The following CHD9 variants were observed in gnomAD, a reference collection of about 807,000 sequenced individuals.
CHD9 encodes chromodomain helicase DNA binding protein 9.
CHD9 carries 77 observed loss-of-function variants against 316.1 expected under a neutral mutation model. The observed-to-expected ratio is 0.24, with a 90% CI of 0.20 to 0.29. The LOEUF is 0.29. Among genes scored for constraint, CHD9 ranks in the 10% least tolerant of loss-of-function variants. The pLI, the probability that CHD9 is intolerant of heterozygous loss-of-function variation, is 1.00. For synonymous variants in CHD9, 1,129 were observed against 1,158.3 expected (o/e 0.97, Z 0.51); for missense variants, 2,763 against 3,438.1 (o/e 0.80, Z 4.91).
At chr16:53,066,446 C>T (rs558553880) in intron 1 of CHD9, among the ~76,000 whole-genome samples, 1 of 152,210 alleles carries the variant, frequency 6.6e-6, no homozygotes. Flanking sequence ...CATGGCCTCT[C>T]TTTCTACCCA....
intron 22 of CHD9, among the ~76,000 whole-genome samples, chr16:53,273,319 A>G (rs1567600761): frequency 1.3e-5 from 2 of 152,202 alleles, no homozygotes; most frequent in Non-Finnish European, 2.9e-5. Flanking sequence ...AAGCAAAAGT[A>G]AAGCAGAGGG....
Position 53,249,931 on chromosome 16 carries a change from T to C in CHD9, c.3726T>C (p.Asp1242=), listed in dbSNP as rs1457565485. The change falls in exon 17 of 39, where the codon GAT becomes GAC. Residue 1242 remains aspartate, a synonymous_variant. Transcript: ENST00000447540. The part of the protein sequence containing the change: ...VRGNLRQAAI[D]RFSKPDSDRF... The stretch of plus-strand genomic sequence containing the variant: ...GAAATCTTCGGCAAGCTGCTATAGA[T>C]AGATTTAGTAAACCTGATTCAGATA... 1.2e-6 allele frequency: 2 copies of C among 1,613,760 alleles called. No individual in the cohort carries two copies. The highest frequency in any genetic ancestry group is 8.5e-7 in the Non-Finnish European group (1 of 1,179,806).
rs534390527 is a variant in CHD9 at position 53,326,519 on chromosome 16, A to G, written c.*1624A>G. 2.0e-5 allele frequency: 3 copies of G among 152,572 alleles called. No individual in the cohort carries two copies. Among genetic ancestry groups the G allele is most frequent in the South Asian group, 4.1e-4 (2 of 4,824 alleles). The allele number at this position is 152,572 out of a possible 1,614,324, so 9.5% of individuals were successfully genotyped here. A position where few individuals can be genotyped will look rare whatever the true frequency, so the allele number is the denominator to read the frequency against. Reference sequence around the variant, plus strand: ...AACCCCTTATTAGAGAGACAGTGTTATATGTATTTACAAAATTATATAAGT... The same window carrying G: ...AACCCCTTATTAGAGAGACAGTGTTGTATGTATTTACAAAATTATATAAGT... On this transcript the variant is annotated 3_prime_UTR_variant, in exon 39 of 39. Coordinates refer to ENST00000447540, the MANE Select transcript of CHD9 (RefSeq NM_001308319.2).
chr16:53,144,791 T>C (rs2040429582), intron 1 of CHD9, among the ~76,000 whole-genome samples: 1 of 152,072 alleles, frequency 6.6e-6, no homozygotes, highest in South Asian at 2.1e-4. Flanking sequence ...CCCAAAGTGC[T>C]GGGATTACAG....
chr16:53,086,914 A>G (rs529020170), intron 1 of CHD9, among the ~76,000 whole-genome samples: 283 of 152,180 alleles, frequency 1.9e-3, no homozygotes, highest in Non-Finnish European at 3.3e-3. Flanking sequence ...TTGCTCCCTC[A>G]ACCAATGGAA....
rs2152746646 is a variant in CHD9, at chr16:53,156,629, A to G, written c.540A>G (p.Gln180=). ...QQTQCTSLRS[Q]QNRNNLNPGQ... ...CACAGTGTACTTCACTACGCTCACA[A>G]CAAAACAGAAATAATCTCAACCCAG... Residue 180 remains glutamine, a synonymous_variant, in exon 2 of 39, where the codon CAA becomes CAG. Coordinates refer to ENST00000447540, the MANE Select transcript of CHD9 (RefSeq NM_001308319.2). 1 of 1,614,000 alleles carries G rather than the reference A, an allele frequency of 6.2e-7. No individual in the cohort carries two copies. Among genetic ancestry groups the G allele is most frequent in the South Asian group, 1.1e-5 (1 of 91,086 alleles).
chr16:53,206,354 A>G (rs1597427741), intron 2 of CHD9, among the ~76,000 whole-genome samples: 1 of 131,042 alleles, frequency 7.6e-6, no homozygotes, highest in East Asian at 2.1e-4. Context: ...TTGAAAGGGC[A>G]CCGGGAAAAA....
chr16:53,187,503 A>G (rs934579455), intron 2 of CHD9, among the ~76,000 whole-genome samples: 1 of 152,070 alleles, frequency 6.6e-6, no homozygotes, highest in Non-Finnish European at 1.5e-5. Flanking sequence ...CCCTGCCTCT[A>G]AGAAAAAGAA....
At chr16:53,190,002 G>A (rs1301446889) in intron 2 of CHD9, among the ~76,000 whole-genome samples, 1 of 151,746 alleles carries the variant, frequency 6.6e-6, no homozygotes. Flanking sequence ...AAATACTTTT[G>A]AGTATTCTAA....
chr16:53,324,934 AT>A lies in CHD9; in HGVS notation c.*45del. ...CACTTAAAATATGAACTGATTTTGG[AT>A]TTTTTCTTTAATAATTAATTGTAAA... On this transcript the variant is annotated 3_prime_UTR_variant, in exon 39 of 39. Coordinates refer to ENST00000447540, the MANE Select transcript of CHD9 (RefSeq NM_001308319.2). The A allele has an allele frequency of 6.7e-7, 1 of 1,493,818 alleles. No individual in the cohort carries two copies. Among genetic ancestry groups the A allele is most frequent in the Non-Finnish European group, 8.9e-7 (1 of 1,120,898 alleles). 92.5% of individuals were successfully genotyped at this position (1,493,818 alleles called of 1,614,324 possible).
rs189080580 is a variant in CHD9 at position 53,181,982 on chromosome 16, G to A, written c.1452+24441G>A. ...GTAATCCCAGCTATCGGGAGGCTGAGGCAGGAGAATCACTTGAACCTGGGA... is the reference window on the plus strand; with the variant it reads ...GTAATCCCAGCTATCGGGAGGCTGAAGCAGGAGAATCACTTGAACCTGGGA... On this transcript the variant is annotated intron_variant, in intron 2 of 38. Transcript: ENST00000447540. Among the ~76,000 whole-genome samples the A allele has an allele frequency of 2.6e-5, 4 of 152,272 alleles. No individual in the cohort carries two copies. In the East Asian group the frequency reaches 7.7e-4, roughly 29 times the overall value.
intron 19 of CHD9, 101 bp from the exon 20 acceptor site, chr16:53,262,886 G>T: frequency 1.1e-6 from 1 of 915,964 alleles, no homozygotes; most frequent in Non-Finnish European, 1.8e-6. Context: ...TGATGTATGA[G>T]TATGCAGAAT....
chr16:53,110,176 G>A (rs1200418871), intron 1 of CHD9, among the ~76,000 whole-genome samples: 2 of 152,104 alleles, frequency 1.3e-5, no homozygotes, highest in East Asian at 1.9e-4. Flanking sequence ...GTTTGTGACC[G>A]GTGGTTTAAA....
At chr16:53,103,181 A>AT (rs2037047473) in intron 1 of CHD9, among the ~76,000 whole-genome samples, 1 of 131,560 alleles carries the variant, frequency 7.6e-6, no homozygotes, top group African/African-American at 3.1e-5. Flanking sequence ...AAAAAGGTAG[A>AT]TTTTATTTGT....
chr16:53,306,544 C>G, intron 32 of CHD9, 147 bp downstream of exon 32: 1 of 543,802 alleles, frequency 1.8e-6, no homozygotes, highest in Non-Finnish European at 3.1e-6. Context: ...GTATAAATTA[C>G]TGCTATCAAG....
Position 53,274,302 on chromosome 16 carries a change from G to T in CHD9, c.4967G>T (p.Ser1656Ile). ...CQKVFDGVDA[S>I]DIDVWVPEPD... ...AAAGTATTTGATGGAGTTGATGCAAGGTAAGTTAAACAATTTTTATTATTT... is the reference window on the plus strand; with the variant it reads ...AAAGTATTTGATGGAGTTGATGCAATGTAAGTTAAACAATTTTTATTATTT... Residue 1656 changes from serine to isoleucine, a missense_variant and splice_region_variant, in exon 24 of 39, where the codon AGT (serine) becomes ATT (isoleucine). Ser to Ile is a moderately radical substitution (Grantham distance 142). This residue lies in a region of CHD9 where 40 missense variants were observed against 39.5 expected (regional missense o/e 1.01). Coordinates refer to ENST00000447540, the MANE Select transcript of CHD9 (RefSeq NM_001308319.2). 6.4e-7 allele frequency: 1 copy of T among 1,558,022 alleles called. No individual in the cohort carries two copies.
intron 29 of CHD9, among the ~76,000 whole-genome samples, chr16:53,296,363 A>G (rs1317695824): frequency 6.6e-6 from 1 of 151,758 alleles, no homozygotes; most frequent in South Asian, 2.1e-4. Context: ...AATAGTGTAT[A>G]CTTTTAAAAG....
chr16:53,180,773 C>T (rs1040522122), intron 2 of CHD9, among the ~76,000 whole-genome samples: 14 of 151,886 alleles, frequency 9.2e-5, no homozygotes, highest in African/African-American at 3.4e-4. Flanking sequence ...CCCAGGTTCA[C>T]GCCATTCTTC....
chr16:53,297,985 T>C (rs1187514806), intron 30 of CHD9, among the ~76,000 whole-genome samples: 1 of 152,256 alleles, frequency 6.6e-6, no homozygotes, highest in African/African-American at 2.4e-5. Context: ...TAATGTGTCA[T>C]TTGTAGTTGG....
Sources: gnomAD v4.1 joint callset for allele counts (sites outside exome capture counted in the v4.1 genomes callset) on GRCh38, gnomAD v4.1.1 for gene constraint, gnomAD v4.1.1 regional missense constraint, MANE v1.5 for transcripts, NCBI Gene and HGNC (gene_info 2026-07-23, HGNC 2026-07-21) for gene names.